SLC39A11: variants seen among roughly 807,000 people sequenced by gnomAD.
SLC39A11 encodes solute carrier family 39 member 11.
SLC39A11 carries 33 observed loss-of-function variants against 36.1 expected under a neutral mutation model. The ratio of observed to expected loss-of-function variants is 0.91; its 90% CI spans 0.69 to 1.22. The LOEUF is 1.22. Ranked by LOEUF, SLC39A11 falls within the 50% of genes most tolerant of loss-of-function variation. The pLI is 0.00. For missense variants in SLC39A11, 432 were observed against 430.3 expected (o/e 1.00, Z -0.03); for synonymous variants, 166 against 170.3 (o/e 0.97, Z 0.20).
At chr17:72,708,248 A>T (rs1216871307) in intron 7 of SLC39A11, among the ~76,000 whole-genome samples, 1 of 152,248 alleles carries the variant, frequency 6.6e-6, no homozygotes, top group Non-Finnish European at 1.5e-5. Flanking sequence ...TAATTGGTAC[A>T]GTAGGCCAGA....
intron 7 of SLC39A11, among the ~76,000 whole-genome samples, chr17:72,679,216 G>A (rs1349931899): frequency 6.6e-6 from 1 of 152,074 alleles, no homozygotes; most frequent in African/African-American, 2.4e-5. Flanking sequence ...CAGTATAGTA[G>A]GGAAATTATA....
intron 3 of SLC39A11, among the ~76,000 whole-genome samples, chr17:73,033,547 A>C (rs1018665691): frequency 6.6e-6 from 1 of 152,196 alleles, no homozygotes; most frequent in African/African-American, 2.4e-5. Context: ...GTTCAAGGCC[A>C]GCCTGGGCAA....
At chr17:72,718,200 C>T (rs533521403) in intron 7 of SLC39A11, among the ~76,000 whole-genome samples, 16 of 152,182 alleles carry the variant, frequency 1.1e-4, no homozygotes, top group African/African-American at 3.4e-4. Context: ...GTAATCTCAG[C>T]ATTTGGGGAG....
intron 5 of SLC39A11, among the ~76,000 whole-genome samples, chr17:72,882,959 G>A (rs987244247): frequency 6.6e-6 from 1 of 151,842 alleles, no homozygotes; most frequent in East Asian, 1.9e-4. Context: ...ATGACACCTG[G>A]CTAATTTTTG....
intron 4 of SLC39A11, among the ~76,000 whole-genome samples, chr17:72,996,631 T>C (rs1408186703): frequency 6.6e-6 from 1 of 152,202 alleles, no homozygotes; most frequent in Non-Finnish European, 1.5e-5. Context: ...CCCTTGTCTC[T>C]TCTCTTTTTA....
At chr17:73,053,661 A>G (rs1023374838) in intron 3 of SLC39A11, among the ~76,000 whole-genome samples, 5 of 152,228 alleles carry the variant, frequency 3.3e-5, no homozygotes, top group Admixed American at 6.5e-5. Context: ...TAGCGAAACC[A>G]GGATCAAACC....
At chr17:72,957,281 A>G (rs969310100) in intron 4 of SLC39A11, among the ~76,000 whole-genome samples, 1 of 152,242 alleles carries the variant, frequency 6.6e-6, no homozygotes, top group Admixed American at 6.5e-5. Context: ...ATTGTCAGGT[A>G]CGGATGCTGA....
intron 5 of SLC39A11, among the ~76,000 whole-genome samples, chr17:72,905,014 A>G (rs1231665469): frequency 6.6e-6 from 1 of 151,716 alleles, no homozygotes; most frequent in East Asian, 2.0e-4. Context: ...TCTACTAAAT[A>G]TACAAAACAT....
At chr17:72,913,249 C>A (rs1228500536) in intron 5 of SLC39A11, among the ~76,000 whole-genome samples, 1 of 151,804 alleles carries the variant, frequency 6.6e-6, no homozygotes, top group Non-Finnish European at 1.5e-5. Flanking sequence ...TCTTTATAAG[C>A]TGAATGAAAG....
At chr17:72,740,127 A>G (rs1422115627) in intron 6 of SLC39A11, among the ~76,000 whole-genome samples, 2 of 124,258 alleles carry the variant, frequency 1.6e-5, no homozygotes, top group African/African-American at 6.4e-5. Context: ...CAGTGGCGCC[A>G]TTTCGGCTCA....
intron 6 of SLC39A11, among the ~76,000 whole-genome samples, chr17:72,785,388 G>T (rs73995792): frequency 6.6e-6 from 1 of 152,040 alleles, no homozygotes; most frequent in Non-Finnish European, 1.5e-5. Flanking sequence ...GAAAGAGTCG[G>T]GAGAATTTCA....
chr17:72,664,422 C>A (rs980142136), intron 7 of SLC39A11, among the ~76,000 whole-genome samples: 1 of 152,166 alleles, frequency 6.6e-6, no homozygotes, highest in African/African-American at 2.4e-5. Context: ...AGACCATAAA[C>A]CGTGGTGCCA....
At chr17:72,836,980 A>G (rs2078578002) in intron 6 of SLC39A11, among the ~76,000 whole-genome samples, 1 of 152,104 alleles carries the variant, frequency 6.6e-6, no homozygotes, top group Non-Finnish European at 1.5e-5. Context: ...CTCAGTCTTT[A>G]CCCCAGGAAA....
chr17:72,895,907 A>G (rs542971188), intron 5 of SLC39A11, among the ~76,000 whole-genome samples: 7 of 152,284 alleles, frequency 4.6e-5, no homozygotes, highest in East Asian at 3.9e-4. Flanking sequence ...TATAGATCAT[A>G]CACAAATGGC....
intron 6 of SLC39A11, among the ~76,000 whole-genome samples, chr17:72,780,674 T>C (rs1248499054): frequency 2.6e-5 from 4 of 152,322 alleles, no homozygotes; most frequent in Non-Finnish European, 2.9e-5. Context: ...TCAGCATTCA[T>C]TTTCTTTTCT....
intron 6 of SLC39A11, among the ~76,000 whole-genome samples, chr17:72,789,345 T>C (rs904034777): frequency 6.6e-6 from 1 of 152,208 alleles, no homozygotes; most frequent in Non-Finnish European, 1.5e-5. Flanking sequence ...AATCTCGATA[T>C]ATTTGTTAAC....
At position 72,685,410 on chromosome 17, in the gene SLC39A11, G is replaced by A. The variant is rs1308501462; in HGVS notation, c.672-36142C>T. Among the ~76,000 whole-genome samples the A allele has an allele frequency of 2.6e-5, 4 of 152,288 alleles. 1 individual carries two copies. Among genetic ancestry groups the A allele is most frequent in the Non-Finnish European group, 5.9e-5 (4 of 68,058 alleles). ...AGGGCAAAATAACTTTCTGTGCAGAGGAAAGAACAAGAACGAGGCCCAGCG... is the reference window on the plus strand; with the variant it reads ...AGGGCAAAATAACTTTCTGTGCAGAAGAAAGAACAAGAACGAGGCCCAGCG... On this transcript the variant is annotated intron_variant, in intron 7 of 9. Transcript: ENST00000255559.
chr17:73,084,437 CAAAAAAAAAAAAAAA>C (rs67639617), intron 3 of SLC39A11, among the ~76,000 whole-genome samples: 1 of 61,662 alleles, frequency 1.6e-5, no homozygotes, highest in Non-Finnish European at 2.8e-5. Context: ...GGCTCTGTCT[CAAAAAAAAAAAAAAA>C]AAAAAAAAAA....
intron 6 of SLC39A11, among the ~76,000 whole-genome samples, chr17:72,827,192 T>C (rs949089416): frequency 2.6e-5 from 4 of 152,196 alleles, no homozygotes; most frequent in African/African-American, 7.2e-5. Flanking sequence ...TACTGATACA[T>C]GGATGAATTT....
Sources: allele counts gnomAD v4.1 joint callset (sites outside exome capture counted in the v4.1 genomes callset), GRCh38; gene constraint gnomAD v4.1.1; transcripts MANE v1.5; gene names NCBI Gene and HGNC (gene_info 2026-07-23, HGNC 2026-07-21).